SDK1: variants seen among roughly 807,000 people sequenced by gnomAD.
SDK1 encodes the protein sidekick cell adhesion molecule 1.
A neutral mutation model predicts 245.5 loss-of-function variants in SDK1; 157 were observed. The ratio of observed to expected loss-of-function variants is 0.64; its 90% CI spans 0.56 to 0.73. The LOEUF (loss-of-function observed/expected upper bound fraction) is 0.73. SDK1 is among the 30% of genes least tolerant of loss of function. The pLI is 0.00. For missense variants in SDK1, 3,583 were observed against 3,002.3 expected, an observed-to-expected ratio of 1.19 and a Z score of -4.52; for synonymous variants, 1,647 against 1,278.5, an observed-to-expected ratio of 1.29 and a Z score of -6.15.
chr7:3,603,445 T>C (rs1484569206), intron 1 of SDK1, among the ~76,000 whole-genome samples: 1 of 151,392 alleles, frequency 6.6e-6, no homozygotes, highest in Non-Finnish European at 1.5e-5. Context: ...TTTGAAGGAA[T>C]TGTGAATGGG....
chr7:3,775,729 A>C (rs1583401606), intron 4 of SDK1, among the ~76,000 whole-genome samples: 1 of 151,872 alleles, frequency 6.6e-6, no homozygotes, highest in East Asian at 1.9e-4. Flanking sequence ...GGCGCCCGCC[A>C]CCGCACCCGG....
At chr7:3,728,987 A>C (rs1779095081) in intron 4 of SDK1, among the ~76,000 whole-genome samples, 1 of 152,166 alleles carries the variant, frequency 6.6e-6, no homozygotes, top group Non-Finnish European at 1.5e-5. Flanking sequence ...AGGCAACTCG[A>C]GGGAGAATAT....
rs1786803534 is a variant in SDK1 at position 4,245,685 on chromosome 7, C to G, written c.6261C>G (p.Pro2087=). Residue 2087 remains proline (P), a synonymous_variant, in exon 44 of 45, where the codon CCC becomes CCG. Transcript: ENST00000404826. ...TGGGTCCTCATCCTAGGTCCCCACC[C>G]CGGCCTAGCCCCGGCGGCCTGCACT... ...FSKKNGTRSP[P]RPSPGGLHYS... 4 of 1,614,002 alleles carry G rather than the reference C, an allele frequency of 2.5e-6. No homozygotes were observed. Among genetic ancestry groups the G allele is most frequent in the Middle Eastern group, 1.7e-4 (1 of 6,050 alleles).
At chr7:3,385,404 A>G (rs1329840052) in intron 1 of SDK1, among the ~76,000 whole-genome samples, 1 of 152,182 alleles carries the variant, frequency 6.6e-6, no homozygotes, top group African/African-American at 2.4e-5. Context: ...TGGTGAAGAT[A>G]CTAATTTTCA....
chr7:3,395,354 T>A (rs1321077512), intron 1 of SDK1, among the ~76,000 whole-genome samples: 1 of 151,970 alleles, frequency 6.6e-6, no homozygotes, highest in Non-Finnish European at 1.5e-5. Flanking sequence ...TATATGTTGT[T>A]GAATTTGGTT....
At chr7:3,586,309 G>C (rs1357771429) in intron 1 of SDK1, among the ~76,000 whole-genome samples, 1 of 152,086 alleles carries the variant, frequency 6.6e-6, no homozygotes, top group Non-Finnish European at 1.5e-5. Flanking sequence ...TCATGAGTGG[G>C]AGGAAGTGCA....
chr7:3,375,871 A>T (rs1377400369), intron 1 of SDK1, among the ~76,000 whole-genome samples: 1 of 152,224 alleles, frequency 6.6e-6, no homozygotes, highest in Admixed American at 6.5e-5. Flanking sequence ...ACTCACAGAA[A>T]TGGTGTGAGA....
intron 1 of SDK1, among the ~76,000 whole-genome samples, chr7:3,521,687 G>A (rs1354627969): frequency 6.6e-6 from 1 of 152,210 alleles, no homozygotes; most frequent in Non-Finnish European, 1.5e-5. Context: ...AGGAGTTACA[G>A]AAGTGGGGGA....
chr7:3,400,716 T>C (rs2128573231), intron 1 of SDK1, among the ~76,000 whole-genome samples: 1 of 152,258 alleles, frequency 6.6e-6, no homozygotes, highest in Middle Eastern at 3.4e-3. Context: ...ATTTTGTAGT[T>C]GGTGGGTTCA....
intron 40 of SDK1, 107 bp from the exon 41 acceptor site, chr7:4,233,148 C>A: frequency 1.9e-6 from 2 of 1,027,142 alleles, no homozygotes; most frequent in Non-Finnish European, 2.9e-6. Context: ...GCCCCTGATG[C>A]CTCATCCAGG....
chr7:3,724,742 C>T (rs1416530716), intron 4 of SDK1, among the ~76,000 whole-genome samples: 2 of 152,112 alleles, frequency 1.3e-5, no homozygotes, highest in African/African-American at 4.8e-5. Flanking sequence ...TCTACCAGCT[C>T]GCCTGCAGTC....
intron 1 of SDK1, among the ~76,000 whole-genome samples, chr7:3,611,729 A>T (rs1226439077): frequency 6.6e-6 from 1 of 152,118 alleles, no homozygotes; most frequent in African/African-American, 2.4e-5. Flanking sequence ...GATTTTTGAA[A>T]AATTATGGCT....
intron 20 of SDK1, among the ~76,000 whole-genome samples, chr7:4,076,219 C>T (rs947298429): frequency 2.0e-5 from 3 of 152,068 alleles, no homozygotes; most frequent in African/African-American, 4.8e-5. Flanking sequence ...TAGTTGCAAC[C>T]GAAGAGCAAG....
intron 2 of SDK1, among the ~76,000 whole-genome samples, chr7:3,632,859 G>C (rs1289852018): frequency 1.3e-5 from 2 of 152,100 alleles, no homozygotes; most frequent in East Asian, 3.9e-4. Flanking sequence ...TTCTGAGACA[G>C]CTTGTTATGG....
intron 4 of SDK1, among the ~76,000 whole-genome samples, chr7:3,821,220 T>G (rs779837375): frequency 6.6e-6 from 1 of 152,158 alleles, no homozygotes; most frequent in African/African-American, 2.4e-5. Flanking sequence ...GGCGCAGATG[T>G]GGAGCACCCG....
chr7:3,395,146 C>A (rs990471280), intron 1 of SDK1, among the ~76,000 whole-genome samples: 5 of 151,828 alleles, frequency 3.3e-5, no homozygotes, highest in Non-Finnish European at 7.4e-5. Flanking sequence ...GCACATGTTA[C>A]CAGGTTCTAT....
chr7:3,730,599 G>A (rs1258373542), intron 4 of SDK1, among the ~76,000 whole-genome samples: 1 of 152,098 alleles, frequency 6.6e-6, no homozygotes, highest in Non-Finnish European at 1.5e-5. Flanking sequence ...AGAGGATGAG[G>A]TCACAAATGG....
chr7:3,754,872 G>A (rs143260078), intron 4 of SDK1, among the ~76,000 whole-genome samples: 3 of 152,278 alleles, frequency 2.0e-5, no homozygotes, highest in East Asian at 3.9e-4. Context: ...AAAGGGAATC[G>A]CAGCACAGGG....
At chr7:4,139,487 GTATATA>G (rs1159686271) in intron 28 of SDK1, among the ~76,000 whole-genome samples, 2 of 131,394 alleles carry the variant, frequency 1.5e-5, no homozygotes, top group Non-Finnish European at 3.4e-5. Flanking sequence ...ATATGTGTGT[GTATATA>G]TGTGTGTGTG....
Sources: gnomAD v4.1 joint callset for allele counts (sites outside exome capture counted in the v4.1 genomes callset) on GRCh38, gnomAD v4.1.1 for gene constraint, MANE v1.5 for transcripts, NCBI Gene and HGNC (gene_info 2026-07-23, HGNC 2026-07-21) for gene names.